C1GALT1: variants seen among roughly 807,000 people sequenced by gnomAD.
The protein encoded by C1GALT1 is glycoprotein-N-acetylgalactosamine 3-beta-galactosyltransferase 1.
C1GALT1 carries 11 observed loss-of-function variants against 31.0 expected under a neutral mutation model. The ratio of observed to expected loss-of-function variants is 0.36; its 90% CI spans 0.22 to 0.59. C1GALT1 has a LOEUF of 0.59. Among genes scored for constraint, C1GALT1 ranks in the 20% least tolerant of loss-of-function variants. The pLI, the probability that C1GALT1 is intolerant of heterozygous loss-of-function variation, is 0.79. For synonymous variants in C1GALT1, 175 were observed against 143.6 expected, an observed-to-expected ratio of 1.22 and a Z score of -1.56; for missense variants, 424 against 425.2, an observed-to-expected ratio of 1.00 and a Z score of 0.03.
intron 1 of C1GALT1, among the ~76,000 whole-genome samples, chr7:7,191,936 A>G (rs1037497465): frequency 1.9e-4 from 29 of 151,978 alleles, no homozygotes; most frequent in African/African-American, 6.5e-4. Context: ...TTTACTGTTG[A>G]TAGGGTCTTC....
intron 1 of C1GALT1, among the ~76,000 whole-genome samples, chr7:7,188,735 G>C (rs1443566747): frequency 6.6e-6 from 1 of 151,544 alleles, no homozygotes; most frequent in African/African-American, 2.4e-5. Context: ...AATCATACTA[G>C]AAAATATTTC....
chr7:7,161,833 A>G (rs960190209), intron 2 of C1GALT1, among the ~76,000 whole-genome samples: 1 of 152,124 alleles, frequency 6.6e-6, no homozygotes, highest in African/African-American at 2.4e-5. Context: ...AGTATCCTTA[A>G]AATATGTGTG....
intron 1 of C1GALT1, among the ~76,000 whole-genome samples, chr7:7,192,676 G>A (rs535105162): frequency 6.6e-6 from 1 of 152,188 alleles, no homozygotes; most frequent in Non-Finnish European, 1.5e-5. Context: ...ACCCAGTAGT[G>A]GGATTGCTGG....
chr7:7,166,887 T>G (rs1780397918), intron 2 of C1GALT1, among the ~76,000 whole-genome samples: 1 of 152,232 alleles, frequency 6.6e-6, no homozygotes, highest in Non-Finnish European at 1.5e-5. Flanking sequence ...TCTTAGAGCT[T>G]TCTCCACTTT....
rs1780325163 is a variant in C1GALT1 at position 7,160,743 on chromosome 7, G to A, written c.-18+3317G>A. On this transcript the variant is annotated intron_variant, in intron 2 of 3. Transcript: ENST00000429911. ...CGTGTGTCGAAGTACATGTCCAAAGGTATGAAGTAGCTGCAGGAATTTTAT... is the reference window on the plus strand; with the variant it reads ...CGTGTGTCGAAGTACATGTCCAAAGATATGAAGTAGCTGCAGGAATTTTAT... Among the ~76,000 whole-genome samples, 3 of 152,058 alleles carry A rather than the reference G, an allele frequency of 2.0e-5. No homozygotes were observed. In the South Asian group the frequency reaches 6.2e-4, roughly 31 times the overall value.
At chr7:7,189,871 G>C (rs1780980500) in intron 1 of C1GALT1, among the ~76,000 whole-genome samples, 1 of 151,760 alleles carries the variant, frequency 6.6e-6, no homozygotes, top group African/African-American at 2.4e-5. Flanking sequence ...TAAGGATCCA[G>C]CTGGTTTTGT....
intron 1 of C1GALT1, among the ~76,000 whole-genome samples, chr7:7,207,335 C>CTTTTTTTTTTTTTTTTTTGT (rs1781786462): frequency 2.1e-5 from 1 of 47,972 alleles, no homozygotes; most frequent in Non-Finnish European, 3.8e-5. Flanking sequence ...TACTCTGTTG[C>CTTTTTTTTTTTTTTTTTTGT]TTTTTTTTTT....
At chr7:7,160,266 A>T (rs1425599932) in intron 2 of C1GALT1, among the ~76,000 whole-genome samples, 2 of 151,960 alleles carry the variant, frequency 1.3e-5, no homozygotes, top group Admixed American at 6.6e-5. Context: ...TTTACCTTCC[A>T]TCTAGATCTT....
At chr7:7,174,430 TA>T (rs1780484305) in intron 2 of C1GALT1, among the ~76,000 whole-genome samples, 1 of 152,206 alleles carries the variant, frequency 6.6e-6, no homozygotes, top group South Asian at 2.1e-4. Flanking sequence ...TTTAGTTTTG[TA>T]AGAAAACTGC....
At chr7:7,204,097 G>GTTT (rs74853892) in intron 1 of C1GALT1, among the ~76,000 whole-genome samples, 26 of 129,640 alleles carry the variant, frequency 2.0e-4, no homozygotes, top group African/African-American at 6.6e-4. Flanking sequence ...CTCCTCTTCT[G>GTTT]TTTTTTTTTT....
chr7:7,175,906 T>C (rs1348429211), intron 2 of C1GALT1, among the ~76,000 whole-genome samples: 1 of 152,118 alleles, frequency 6.6e-6, no homozygotes, highest in Non-Finnish European at 1.5e-5. Flanking sequence ...CCAGGTCTAT[T>C]GGATAAAAGG....
intron 1 of C1GALT1, among the ~76,000 whole-genome samples, chr7:7,202,690 T>C (rs994370627): frequency 7.2e-5 from 11 of 152,314 alleles, no homozygotes; most frequent in African/African-American, 2.6e-4. Context: ...TTTTCAAAAC[T>C]GTTTTGGCTA....
chr7:7,212,886 G>T (rs1456521118), intron 1 of C1GALT1, among the ~76,000 whole-genome samples: 1 of 152,130 alleles, frequency 6.6e-6, no homozygotes, highest in Admixed American at 6.5e-5. Context: ...ATGTCACGAT[G>T]GCTTGACCAT....
intron 1 of C1GALT1, among the ~76,000 whole-genome samples, chr7:7,207,427 C>T (rs1781798937): frequency 7.1e-6 from 1 of 140,256 alleles, no homozygotes. Context: ...TCCTCCCATC[C>T]CAGCTTCCTG....
chr7:7,224,552 T>C (rs1782666969), intron 1 of C1GALT1, among the ~76,000 whole-genome samples: 1 of 152,150 alleles, frequency 6.6e-6, no homozygotes. Context: ...TATTTCATAT[T>C]GAGTGAATTG....
intron 1 of C1GALT1, among the ~76,000 whole-genome samples, chr7:7,227,548 G>C (rs1418309297): frequency 6.6e-6 from 1 of 151,872 alleles, no homozygotes; most frequent in Non-Finnish European, 1.5e-5. Context: ...GTGAAACCCC[G>C]TCTCTACTAA....
intron 1 of C1GALT1, among the ~76,000 whole-genome samples, chr7:7,201,366 C>T (rs1001190496): frequency 1.3e-5 from 2 of 152,194 alleles, no homozygotes; most frequent in Non-Finnish European, 2.9e-5. Flanking sequence ...CCTCTGGAAG[C>T]TTCGTCTCAG....
intron 1 of C1GALT1, among the ~76,000 whole-genome samples, chr7:7,224,366 A>G (rs1387064101): frequency 6.8e-6 from 1 of 147,490 alleles, no homozygotes; most frequent in Non-Finnish European, 1.5e-5. Context: ...TTTGGAGGAG[A>G]TTGTACAAAT....
At chr7:7,227,101 G>A (rs970879461) in intron 1 of C1GALT1, among the ~76,000 whole-genome samples, 9 of 151,910 alleles carry the variant, frequency 5.9e-5, no homozygotes, top group Admixed American at 5.9e-4. Context: ...TAGAGGATGG[G>A]GGTCATATTA....
Sources: gnomAD v4.1 joint callset for allele counts (sites outside exome capture counted in the v4.1 genomes callset) on GRCh38, gnomAD v4.1.1 for gene constraint, MANE v1.5 for transcripts, NCBI Gene and HGNC (gene_info 2026-07-23, HGNC 2026-07-21) for gene names.